The following ST8SIA6 variants were observed in gnomAD, a reference collection of about 807,000 sequenced individuals.
The protein encoded by ST8SIA6 is alpha-2,8-sialyltransferase 8F.
Under a neutral mutation model 33.6 loss-of-function variants are expected in ST8SIA6, and 39 were observed. That is an observed-to-expected ratio of 1.16 (90% CI 0.90 to 1.52). ST8SIA6 has a LOEUF of 1.52. Ranked by LOEUF, ST8SIA6 falls within the 40% of genes most tolerant of loss-of-function variation. ST8SIA6 has a pLI of 0.00. For synonymous variants in ST8SIA6, 172 were observed against 167.2 expected, an observed-to-expected ratio of 1.03 and a Z score of -0.22; for missense variants, 441 against 443.8, an observed-to-expected ratio of 0.99 and a Z score of 0.06.
At chr10:17,362,989 C>G (rs1849442381) in intron 3 of ST8SIA6, among the ~76,000 whole-genome samples, 1 of 152,094 alleles carries the variant, frequency 6.6e-6, no homozygotes, top group Non-Finnish European at 1.5e-5. Context: ...GGATTACAGG[C>G]CTGAGCCACC....
chr10:17,319,097 A>G lies in ST8SIA6; in HGVS notation c.*1781T>C, dbSNP rs1847860038. On this transcript the variant is annotated 3_prime_UTR_variant, in exon 8 of 8. Transcript: ENST00000377602. ...GAAATCACAACTATAGACCCACTTGAGAAAAAGATAAAAAGAATGCACATG... is the reference window on the plus strand; with the variant it reads ...GAAATCACAACTATAGACCCACTTGGGAAAAAGATAAAAAGAATGCACATG... 6.6e-6 allele frequency among the ~76,000 whole-genome samples: 1 copy of G among 152,206 alleles called. No individual in the cohort carries two copies. The highest frequency in any genetic ancestry group is 1.5e-5 in the Non-Finnish European group (1 of 68,036).
chr10:17,434,351 C>T (rs778964257), intron 2 of ST8SIA6, among the ~76,000 whole-genome samples: 5 of 152,134 alleles, frequency 3.3e-5, no homozygotes, highest in Admixed American at 1.3e-4. Context: ...TGTTTTTACC[C>T]GATCAAATTA....
At chr10:17,386,709 T>C (rs1382135462) in intron 3 of ST8SIA6, among the ~76,000 whole-genome samples, 1 of 152,164 alleles carries the variant, frequency 6.6e-6, no homozygotes, top group Non-Finnish European at 1.5e-5. Context: ...AAGGCAGACC[T>C]TCAGGCCATT....
chr10:17,326,257 A>G (rs1232812419), intron 6 of ST8SIA6, among the ~76,000 whole-genome samples: 2 of 152,188 alleles, frequency 1.3e-5, no homozygotes, highest in South Asian at 2.1e-4. Flanking sequence ...CCTCTGATGT[A>G]TGAAATCAGT....
rs112671110 is a variant in ST8SIA6, at chr10:17,370,014, C to T, written c.291-10414G>A. Among the ~76,000 whole-genome samples the T allele has an allele frequency of 4.3e-3, 629 of 147,432 alleles. 7 individuals carry two copies. Among genetic ancestry groups the T allele is most frequent in the African/African-American group, 0.015 (589 of 39,712 alleles). ...CTGACTTTTTTTTTTTTTTTGGAGA[C>T]GGAGTCTAGCTCTGTCGCTGCAGTG... is the stretch of plus-strand genomic sequence containing the variant. On this transcript the variant is annotated intron_variant, in intron 3 of 7. Coordinates refer to ENST00000377602, the MANE Select transcript of ST8SIA6 (RefSeq NM_001004470.3).
chr10:17,417,725 TCTC>T (rs1189844204), intron 2 of ST8SIA6, among the ~76,000 whole-genome samples: 1 of 152,126 alleles, frequency 6.6e-6, no homozygotes, highest in Non-Finnish European at 1.5e-5. Context: ...CTTCCCTGCT[TCTC>T]CTTTTGTTCC....
intron 2 of ST8SIA6, among the ~76,000 whole-genome samples, chr10:17,394,639 T>A (rs1034915750): frequency 1.3e-5 from 2 of 152,008 alleles, no homozygotes; most frequent in Non-Finnish European, 2.9e-5. Flanking sequence ...ATTTCAAGAG[T>A]CTTCAGAGTT....
chr10:17,328,951 C>T (rs2131582319), intron 5 of ST8SIA6, among the ~76,000 whole-genome samples: 1 of 152,198 alleles, frequency 6.6e-6, no homozygotes, highest in African/African-American at 2.4e-5. Flanking sequence ...GCAAAGGTTG[C>T]AAAATCAAGG....
chr10:17,323,211 G>A (rs1180251895), intron 6 of ST8SIA6, 54 bp from the exon 7 acceptor site: 39 of 1,352,474 alleles, frequency 2.9e-5, no homozygotes, highest in Middle Eastern at 2.1e-4. Context: ...AAAAAAGATT[G>A]TATACACACA....
chr10:17,366,515 A>T (rs1035091049), intron 3 of ST8SIA6, among the ~76,000 whole-genome samples: 6 of 151,968 alleles, frequency 3.9e-5, no homozygotes, highest in Non-Finnish European at 7.4e-5. Flanking sequence ...TTAAGTATAT[A>T]CTTAAGATGT....
At chr10:17,337,004 T>C (rs1170805381) in intron 4 of ST8SIA6, among the ~76,000 whole-genome samples, 1 of 152,202 alleles carries the variant, frequency 6.6e-6, no homozygotes. Flanking sequence ...CCAAACCTCA[T>C]GACGAATTGT....
At chr10:17,366,160 A>G (rs1251659188) in intron 3 of ST8SIA6, among the ~76,000 whole-genome samples, 1 of 152,222 alleles carries the variant, frequency 6.6e-6, no homozygotes, top group African/African-American at 2.4e-5. Context: ...TGGCACCGAC[A>G]TTTCATCCAC....
intron 2 of ST8SIA6, among the ~76,000 whole-genome samples, chr10:17,423,434 G>A (rs1431377895): frequency 6.6e-6 from 1 of 152,166 alleles, no homozygotes; most frequent in Non-Finnish European, 1.5e-5. Context: ...CTAGCTCCAT[G>A]AGTCTAGAGA....
At position 17,405,832 on chromosome 10, in the gene ST8SIA6, C is replaced by T. The variant is rs539715941; in HGVS notation, c.201-15212G>A. Among the ~76,000 whole-genome samples the T allele has an allele frequency of 1.9e-3, 281 of 147,112 alleles. 1 individual carries two copies. Among genetic ancestry groups the T allele is most frequent in the Non-Finnish European group, 3.0e-3 (203 of 67,382 alleles). On this transcript the variant is annotated intron_variant, in intron 2 of 7. Coordinates refer to ENST00000377602, the MANE Select transcript of ST8SIA6 (RefSeq NM_001004470.3). ...AGGAGGTGGAGGTTGCAGTGAGCCA[C>T]GATCATGCCATCATTGCACTCCAGC...
At chr10:17,425,821 C>G (rs773838682) in intron 2 of ST8SIA6, among the ~76,000 whole-genome samples, 1 of 151,752 alleles carries the variant, frequency 6.6e-6, no homozygotes, top group East Asian at 1.9e-4. Flanking sequence ...GGGAGGGAAG[C>G]GGGAAGGTGG....
intron 4 of ST8SIA6, among the ~76,000 whole-genome samples, chr10:17,336,545 A>G (rs889094709): frequency 1.3e-5 from 2 of 150,012 alleles, no homozygotes; most frequent in Admixed American, 6.6e-5. Context: ...TTCACCACAG[A>G]TTCGTTTTTC....
In ST8SIA6 at chr10:17,425,335, G is replaced by A. The variant is rs568418122; in HGVS notation, c.200+28224C>T. The stretch of plus-strand genomic sequence containing the variant: ...TGTAATTCCAGCGCTCTGGGAGGCC[G>A]AGGAGGCTGAATCACCTGAGATCAA... On this transcript the variant is annotated intron_variant, in intron 2 of 7. Coordinates refer to ENST00000377602, the MANE Select transcript of ST8SIA6 (RefSeq NM_001004470.3). Among the ~76,000 whole-genome samples the A allele has an allele frequency of 1.9e-3, 289 of 152,144 alleles. 1 individual carries two copies. The highest frequency in any genetic ancestry group is 3.6e-3 in the Non-Finnish European group (242 of 67,998).
At chr10:17,414,793 ACCT>A (rs1851553566) in intron 2 of ST8SIA6, among the ~76,000 whole-genome samples, 2 of 152,086 alleles carry the variant, frequency 1.3e-5, no homozygotes, top group Admixed American at 1.3e-4. Context: ...CTCCCTAAAG[ACCT>A]TATCTTCTAA....
chr10:17,367,735 T>C (rs564841660), intron 3 of ST8SIA6, among the ~76,000 whole-genome samples: 2 of 152,340 alleles, frequency 1.3e-5, no homozygotes, highest in East Asian at 3.9e-4. Flanking sequence ...AGTGATCTTA[T>C]ACCATCAGTT....
Sources: gnomAD v4.1 joint callset for allele counts (sites outside exome capture counted in the v4.1 genomes callset) on GRCh38, gnomAD v4.1.1 for gene constraint, MANE v1.5 for transcripts, NCBI Gene and HGNC (gene_info 2026-07-23, HGNC 2026-07-21) for gene names.